TENM2: variants seen among roughly 807,000 people sequenced by gnomAD.
The protein encoded by TENM2 is teneurin transmembrane protein 2, also known as teneurin-2.
In TENM2, 52 loss-of-function variants were observed where a neutral mutation model predicts 245.2. The observed-to-expected ratio is 0.21, with a 90% CI of 0.17 to 0.27. The LOEUF (loss-of-function observed/expected upper bound fraction) is 0.27. Ranked by LOEUF, TENM2 falls within the 10% of genes least tolerant of loss-of-function variation. The pLI, the probability that TENM2 is intolerant of heterozygous loss-of-function variation, is 1.00. For missense variants in TENM2, 3,046 were observed against 3,666.8 expected, an observed-to-expected ratio of 0.83 and a Z score of 4.37; for synonymous variants, 1,363 against 1,438.9, an observed-to-expected ratio of 0.95 and a Z score of 1.19.
chr5:167,693,079 G>A (rs1022400979), intron 2 of TENM2, among the ~76,000 whole-genome samples: 1 of 152,216 alleles, frequency 6.6e-6, no homozygotes, highest in African/African-American at 2.4e-5. Context: ...TGTTTCATCT[G>A]TAATTAGGAA....
Position 167,764,164 on chromosome 5 carries a change from T to C in TENM2, c.503-111822T>C, listed in dbSNP as rs376581539. Among the ~76,000 whole-genome samples, 8 of 152,240 alleles carry C rather than the reference T, an allele frequency of 5.3e-5. No individual in the cohort carries two copies. The South Asian group carries it at 8.3e-4, about 16-fold the overall frequency. Reference sequence around the variant, plus strand: ...AAAAAATATATTGTTAGGGATAAATTTGGGAGACTGCTGAGTCTTCCCTCC... The same window carrying C: ...AAAAAATATATTGTTAGGGATAAATCTGGGAGACTGCTGAGTCTTCCCTCC... On this transcript the variant is annotated intron_variant, in intron 2 of 28. Coordinates refer to ENST00000518659, the Ensembl canonical transcript of TENM2.
chr5:167,285,169 G>A, intron 1 of TENM2, 106 bp downstream of exon 3: 1 of 801,840 alleles, frequency 1.2e-6, no homozygotes. Flanking sequence ...TTTGACAGAT[G>A]TACCCTACAG....
chr5:167,653,135 A>G (rs1754589713), intron 2 of TENM2: 1 of 152,168 alleles, frequency 6.6e-6, no homozygotes, highest in South Asian at 2.1e-4. Flanking sequence ...AATAGAAGAG[A>G]GACCAAACAC....
chr5:167,879,350 C>T (rs1359317772), intron 3 of TENM2, among the ~76,000 whole-genome samples: 1 of 152,130 alleles, frequency 6.6e-6, no homozygotes, highest in Non-Finnish European at 1.5e-5. Flanking sequence ...TGTTTCTCTC[C>T]CCCTTAAGCA....
the TENM2 span, among the ~76,000 whole-genome samples, chr5:167,091,311 T>G: frequency 2.0e-5 from 3 of 152,326 alleles, no homozygotes; most frequent in African/African-American, 7.2e-5. Flanking sequence ...TGGATAACTG[T>G]CATTGAAAAT....
chr5:167,900,564 G>A (rs1723832084), intron 3 of TENM2, among the ~76,000 whole-genome samples: 1 of 152,156 alleles, frequency 6.6e-6, no homozygotes, highest in African/African-American at 2.4e-5. Context: ...CTCATGTTTG[G>A]AAGTGAAAGT....
At chr5:167,165,769 T>C in the TENM2 span, among the ~76,000 whole-genome samples, 3 of 152,172 alleles carry the variant, frequency 2.0e-5, no homozygotes, top group Non-Finnish European at 4.4e-5. Context: ...GTGAAGATAA[T>C]AAGACAAGAT....
the TENM2 span, among the ~76,000 whole-genome samples, chr5:167,201,155 C>T: frequency 5.9e-5 from 9 of 152,276 alleles, no homozygotes; most frequent in African/African-American, 2.2e-4. Flanking sequence ...AAAGTATTGA[C>T]TTTCTAGCCA....
chr5:167,525,670 C>T (rs535444397), intron 2 of TENM2, among the ~76,000 whole-genome samples: 1 of 152,240 alleles, frequency 6.6e-6, no homozygotes, highest in South Asian at 2.1e-4. Flanking sequence ...CTATGTGTTC[C>T]TGTGGTGATT....
intron 1 of TENM2, among the ~76,000 whole-genome samples, chr5:167,318,757 C>T (rs1756534308): frequency 6.6e-6 from 1 of 152,176 alleles, no homozygotes; most frequent in Non-Finnish European, 1.5e-5. Context: ...AGGTTCCCTG[C>T]CATTTGCAAT....
chr5:167,587,254 C>A (rs1233179316), intron 2 of TENM2, among the ~76,000 whole-genome samples: 1 of 152,136 alleles, frequency 6.6e-6, no homozygotes, highest in African/African-American at 2.4e-5. Flanking sequence ...ATGCTTCTCC[C>A]AGCCAGAATA....
intron 2 of TENM2, among the ~76,000 whole-genome samples, chr5:167,535,902 C>G (rs1582318659): frequency 6.6e-6 from 1 of 152,200 alleles, no homozygotes; most frequent in Admixed American, 6.5e-5. Flanking sequence ...TTCATAAACT[C>G]AACCTGCTTA....
At chr5:167,266,916 T>C in the TENM2 span, among the ~76,000 whole-genome samples, 1 of 152,150 alleles carries the variant, frequency 6.6e-6, no homozygotes, top group Non-Finnish European at 1.5e-5. Context: ...TGCAATATCT[T>C]CAGTTGTGGT....
At chr5:167,591,197 A>C (rs1385359558) in intron 2 of TENM2, among the ~76,000 whole-genome samples, 2 of 152,206 alleles carry the variant, frequency 1.3e-5, no homozygotes, top group African/African-American at 4.8e-5. Context: ...TTGAGAATTA[A>C]TTCATACAAT....
chr5:168,073,429 G>C (rs1280973096), intron 7 of TENM2, among the ~76,000 whole-genome samples: 3 of 152,234 alleles, frequency 2.0e-5, no homozygotes, highest in Non-Finnish European at 4.4e-5. Flanking sequence ...GACATGCCTT[G>C]TTGTGTGGGC....
At chr5:167,097,176 T>C in the TENM2 span, among the ~76,000 whole-genome samples, 1 of 152,132 alleles carries the variant, frequency 6.6e-6, no homozygotes, top group Non-Finnish European at 1.5e-5. Context: ...TTGTGGCCTA[T>C]TGAGGTAATG....
intron 2 of TENM2, among the ~76,000 whole-genome samples, chr5:167,616,234 T>C (rs1044436145): frequency 6.6e-6 from 1 of 152,146 alleles, no homozygotes; most frequent in African/African-American, 2.4e-5. Flanking sequence ...CTGTGCTTGA[T>C]CTAAAGATGA....
chr5:168,188,816 T>G (rs1760702857), intron 13 of TENM2, among the ~76,000 whole-genome samples: 1 of 152,190 alleles, frequency 6.6e-6, no homozygotes, highest in Non-Finnish European at 1.5e-5. Flanking sequence ...GTGGGCCGTT[T>G]ATTCTTCCTG....
intron 3 of TENM2, among the ~76,000 whole-genome samples, chr5:167,913,756 T>A (rs977155780): frequency 1.3e-5 from 2 of 152,236 alleles, no homozygotes; most frequent in African/African-American, 2.4e-5. Flanking sequence ...CAGAAACTAC[T>A]GTGATGCCCA....
Sources: allele counts gnomAD v4.1 joint callset (sites outside exome capture counted in the v4.1 genomes callset), GRCh38; gene constraint gnomAD v4.1.1; transcripts MANE v1.5; gene names NCBI Gene and HGNC (gene_info 2026-07-23, HGNC 2026-07-21).